Variants in AGBL1 observed in about 807,000 individuals in gnomAD.
AGBL1 encodes the protein cytosolic carboxypeptidase 4.
In AGBL1, 130 loss-of-function variants were observed where a neutral mutation model predicts 118.9. The ratio of observed to expected loss-of-function variants is 1.09; its 90% CI spans 0.95 to 1.26. AGBL1 has a LOEUF of 1.26. Among genes scored for constraint, AGBL1 ranks in the 50% most tolerant of loss-of-function variants. The pLI, the probability that AGBL1 is intolerant of heterozygous loss-of-function variation, is 0.00. For missense variants in AGBL1, 1,584 were observed against 1,298.1 expected (o/e 1.22, Z -3.38); for synonymous variants, 555 against 478.9 (o/e 1.16, Z -2.08).
intron 17 of AGBL1, among the ~76,000 whole-genome samples, chr15:86,377,354 G>A (rs866538158): frequency 1.9e-4 from 29 of 152,272 alleles, no homozygotes; most frequent in African/African-American, 2.2e-4. Context: ...GAAATACATC[G>A]CAGAAGGCAG....
intron 22 of AGBL1, among the ~76,000 whole-genome samples, chr15:86,878,701 A>C (rs2079848915): frequency 6.6e-6 from 1 of 151,508 alleles, no homozygotes; most frequent in African/African-American, 2.4e-5. Flanking sequence ...TGTTTCTGAG[A>C]GTTTGTAGTT....
chr15:86,821,326 TAATA>T (rs902001102), intron 22 of AGBL1, among the ~76,000 whole-genome samples: 3 of 152,132 alleles, frequency 2.0e-5, no homozygotes, highest in African/African-American at 7.2e-5. Flanking sequence ...TAAAGTATAA[TAATA>T]AATAAAATAA....
In AGBL1 at chr15:86,340,880, T is replaced by C. The variant is rs145160575; in HGVS notation, c.2374+45472T>C. Reference sequence around the variant, plus strand: ...ATTCTGGCTGCACACTAAGCCTGCATTGGTACCACTCTGACTGGGAGGGCA... The same window carrying C: ...ATTCTGGCTGCACACTAAGCCTGCACTGGTACCACTCTGACTGGGAGGGCA... On this transcript the variant is annotated intron_variant, in intron 17 of 22. Coordinates refer to ENST00000614907, the MANE Select transcript of AGBL1 (RefSeq NM_001386094.1). Among the ~76,000 whole-genome samples the C allele has an allele frequency of 3.6e-3, 548 of 152,246 alleles. 3 individuals carry two copies. The highest frequency in any genetic ancestry group is 0.011 in the African/African-American group (442 of 41,564).
chr15:86,958,895 C>T (rs2080960664), intron 23 of AGBL1, among the ~76,000 whole-genome samples: 1 of 151,968 alleles, frequency 6.6e-6, no homozygotes, highest in South Asian at 2.1e-4. Flanking sequence ...GAATAAGCCT[C>T]AAAAATATAA....
intron 5 of AGBL1, among the ~76,000 whole-genome samples, chr15:86,198,446 T>C (rs1227295027): frequency 1.3e-5 from 2 of 152,146 alleles, no homozygotes. Context: ...GGAGTGGATG[T>C]ACTTTGCAAG....
chr15:86,329,957 A>G (rs944289928), intron 17 of AGBL1, among the ~76,000 whole-genome samples: 3 of 152,184 alleles, frequency 2.0e-5, no homozygotes, highest in African/African-American at 7.2e-5. Flanking sequence ...TTCCCCCTAC[A>G]TCACTGTGCA....
intron 1 of AGBL1, among the ~76,000 whole-genome samples, chr15:86,100,639 T>TTCTAGC (rs1276350354): frequency 1.3e-5 from 2 of 152,136 alleles, no homozygotes; most frequent in East Asian, 3.8e-4. Context: ...GCTTCTTCAG[T>TTCTAGC]TTCTTGCTGC....
intron 5 of AGBL1, among the ~76,000 whole-genome samples, chr15:86,187,375 A>T (rs2077649392): frequency 6.6e-6 from 1 of 152,218 alleles, no homozygotes; most frequent in African/African-American, 2.4e-5. Flanking sequence ...TCTGACTTGA[A>T]ACTTCTCTGC....
chr15:86,403,214 G>T (rs189780202), intron 18 of AGBL1, among the ~76,000 whole-genome samples: 8 of 152,086 alleles, frequency 5.3e-5, no homozygotes, highest in Non-Finnish European at 1.2e-4. Context: ...CTTGGTTGTT[G>T]GGTGGTAGTA....
intron 18 of AGBL1, among the ~76,000 whole-genome samples, chr15:86,495,277 AC>A (rs2082834490): frequency 1.3e-5 from 2 of 151,766 alleles, no homozygotes; most frequent in South Asian, 4.2e-4. Context: ...AAACAAACAC[AC>A]CCCATTCCAA....
rs559818158 is a variant in AGBL1, at chr15:86,286,625, G to T, written c.2220+6842G>T. ...TATGTCCTTCAGGGTCATCCATGTT[G>T]TTGCAAATGACAGAATTTCCTGCTT... On this transcript the variant is annotated intron_variant, in intron 16 of 22. Coordinates refer to ENST00000614907, the MANE Select transcript of AGBL1 (RefSeq NM_001386094.1). 6.0e-5 allele frequency among the ~76,000 whole-genome samples: 9 copies of T among 151,232 alleles called. 1 individual carries two copies. The South Asian group carries it at 1.3e-3, about 21-fold the overall frequency.
intron 5 of AGBL1, among the ~76,000 whole-genome samples, chr15:86,219,019 C>A (rs536496237): frequency 6.6e-6 from 1 of 152,230 alleles, no homozygotes; most frequent in Non-Finnish European, 1.5e-5. Context: ...CATTACACTG[C>A]AATTGATAAC....
chr15:86,364,956 CACATATATATAT>C (rs1289029330), intron 17 of AGBL1, among the ~76,000 whole-genome samples: 1 of 89,582 alleles, frequency 1.1e-5, no homozygotes, highest in Non-Finnish European at 2.0e-5. Flanking sequence ...TTATATGTCA[CACATATATATAT>C]ATATATATAT....
chr15:86,934,805 T>G (rs2080647237), intron 23 of AGBL1, among the ~76,000 whole-genome samples: 1 of 152,090 alleles, frequency 6.6e-6, no homozygotes, highest in Non-Finnish European at 1.5e-5. Flanking sequence ...GTGAGGAAAA[T>G]AGTAAGTTCC....
chr15:86,857,232 C>G (rs1173054199), intron 22 of AGBL1, among the ~76,000 whole-genome samples: 1 of 152,208 alleles, frequency 6.6e-6, no homozygotes, highest in Non-Finnish European at 1.5e-5. Flanking sequence ...TTTCTACTAT[C>G]TATTCCCTAC....
intron 22 of AGBL1, among the ~76,000 whole-genome samples, chr15:86,697,735 G>A (rs2086286709): frequency 1.3e-5 from 2 of 151,968 alleles, no homozygotes; most frequent in Middle Eastern, 3.4e-3. Flanking sequence ...GGGAAGATCT[G>A]GGGATCAAGA....
At chr15:86,520,850 A>C (rs1022939758) in intron 18 of AGBL1, among the ~76,000 whole-genome samples, 1 of 152,228 alleles carries the variant, frequency 6.6e-6, no homozygotes, top group Non-Finnish European at 1.5e-5. Context: ...AAAGCAATTC[A>C]TTTAAACACA....
At chr15:86,083,430 A>AT (rs1186260048) in intron 1 of AGBL1, 2 of 152,164 alleles carry the variant, frequency 1.3e-5, no homozygotes, top group Non-Finnish European at 2.9e-5. Flanking sequence ...ATATGGGCAC[A>AT]TTTTTGCCAT....
chr15:86,304,447 T>C (rs1043565726), intron 17 of AGBL1, among the ~76,000 whole-genome samples: 3 of 152,242 alleles, frequency 2.0e-5, no homozygotes, highest in African/African-American at 7.2e-5. Flanking sequence ...CTTTATCACA[T>C]GACCTTGCTA....
Sources: allele counts gnomAD v4.1 joint callset (sites outside exome capture counted in the v4.1 genomes callset), GRCh38; gene constraint gnomAD v4.1.1; transcripts MANE v1.5; gene names NCBI Gene and HGNC (gene_info 2026-07-23, HGNC 2026-07-21).